TENM3: variants seen among roughly 807,000 people sequenced by gnomAD.
TENM3 encodes teneurin transmembrane protein 3.
TENM3 carries 63 observed loss-of-function variants against 255.1 expected under a neutral mutation model. The observed-to-expected ratio is 0.25, with a 90% CI of 0.20 to 0.30. TENM3 has a LOEUF of 0.30. Among genes scored for constraint, TENM3 ranks in the 10% least tolerant of loss-of-function variants. TENM3 has a pLI of 1.00. For missense variants in TENM3, 2,929 were observed against 3,461.1 expected (o/e 0.85, Z 3.86); for synonymous variants, 1,306 against 1,322.3 (o/e 0.99, Z 0.27).
At chr4:182,261,364 T>A (rs1487292042) in intron 1 of TENM3, among the ~76,000 whole-genome samples, 1 of 152,180 alleles carries the variant, frequency 6.6e-6, no homozygotes, top group East Asian at 1.9e-4. Flanking sequence ...CTTCAGAGAG[T>A]TCACCTTGGG....
At chr4:182,667,314 C>A (rs1326987261) in intron 6 of TENM3, among the ~76,000 whole-genome samples, 1 of 152,068 alleles carries the variant, frequency 6.6e-6, no homozygotes, top group Non-Finnish European at 1.5e-5. Flanking sequence ...CCTCAGCCTC[C>A]CAAGTAGCTG....
intron 3 of TENM3, among the ~76,000 whole-genome samples, chr4:182,428,720 C>T (rs113820247): frequency 4.6e-5 from 7 of 151,798 alleles, no homozygotes; most frequent in Non-Finnish European, 8.8e-5. Flanking sequence ...AAAAATATTT[C>T]GTAAAATATA....
chr4:182,701,471 C>A (rs556840799), intron 12 of TENM3, among the ~76,000 whole-genome samples: 3 of 151,950 alleles, frequency 2.0e-5, no homozygotes, highest in Admixed American at 2.0e-4. Context: ...CCGCCCACCT[C>A]GGCCTCCCAA....
chr4:182,334,537 T>A (rs907261076), intron 2 of TENM3, among the ~76,000 whole-genome samples: 1 of 152,098 alleles, frequency 6.6e-6, no homozygotes, highest in Non-Finnish European at 1.5e-5. Flanking sequence ...CAAAATGGAG[T>A]TAATATGTAT....
chr4:181,723,061 G>A, the TENM3 span, among the ~76,000 whole-genome samples: 1 of 152,062 alleles, frequency 6.6e-6, no homozygotes, highest in Non-Finnish European at 1.5e-5. Context: ...GATAAAATGT[G>A]TGTTCTACTA....
In TENM3 at chr4:182,336,941, C is replaced by T. The variant is rs550009749; in HGVS notation, c.233-9710C>T. On this transcript the variant is annotated intron_variant, in intron 2 of 27. Transcript: ENST00000511685. Reference sequence around the variant, plus strand: ...GGAGATCTTTGAGAGCCTCTGAGTCCACTGTATACATGAGGAATATGAGAC... The same window carrying T: ...GGAGATCTTTGAGAGCCTCTGAGTCTACTGTATACATGAGGAATATGAGAC... 9.9e-5 allele frequency among the ~76,000 whole-genome samples: 15 copies of T among 151,276 alleles called. No homozygotes were observed. The East Asian group carries it at 2.7e-3, about 28-fold the overall frequency.
the TENM3 span, among the ~76,000 whole-genome samples, chr4:181,451,406 G>T: frequency 6.6e-6 from 1 of 152,174 alleles, no homozygotes; most frequent in Non-Finnish European, 1.5e-5. Flanking sequence ...TCCTCCAAGT[G>T]CAGTGAGAAA....
chr4:181,775,141 C>T, the TENM3 span, among the ~76,000 whole-genome samples: 2 of 152,148 alleles, frequency 1.3e-5, no homozygotes, highest in African/African-American at 4.8e-5. Flanking sequence ...GGGCAGAGTC[C>T]TGACTCCCCC....
intron 4 of TENM3, among the ~76,000 whole-genome samples, chr4:182,614,874 CGTT>C (rs1749327739): frequency 6.6e-6 from 1 of 151,612 alleles, no homozygotes; most frequent in African/African-American, 2.4e-5. Flanking sequence ...AGTTTCTTCA[CGTT>C]GTTTCATAGA....
the TENM3 span, among the ~76,000 whole-genome samples, chr4:182,129,021 C>T: frequency 6.6e-6 from 1 of 152,092 alleles, no homozygotes. Flanking sequence ...GAAGAAAATG[C>T]CTTAATTTGA....
chr4:182,593,732 C>T lies in TENM3; in HGVS notation c.512-7192C>T, dbSNP rs570914120. The stretch of plus-strand genomic sequence containing the variant: ...CCACTCTCCTCCTTTCCTCTCATCT[C>T]ACACTCACCTTTTACTTCCTCCCAC... On this transcript the variant is annotated intron_variant, in intron 3 of 27. Transcript: ENST00000511685. Among the ~76,000 whole-genome samples, 4 of 152,324 alleles carry T rather than the reference C, an allele frequency of 2.6e-5. No individual in the cohort carries two copies. In the South Asian group the frequency reaches 8.3e-4, roughly 32 times the overall value.
At chr4:181,624,093 T>C in the TENM3 span, among the ~76,000 whole-genome samples, 2 of 152,186 alleles carry the variant, frequency 1.3e-5, no homozygotes, top group East Asian at 3.9e-4. Context: ...ATCTGTCACA[T>C]AACCAGCCTA....
the TENM3 span, among the ~76,000 whole-genome samples, chr4:181,467,859 A>G: frequency 1.3e-5 from 2 of 152,188 alleles, no homozygotes; most frequent in Non-Finnish European, 2.9e-5. Flanking sequence ...AAAGACGCAG[A>G]TATTTTCATT....
intron 3 of TENM3, among the ~76,000 whole-genome samples, chr4:182,434,670 A>G (rs1351199566): frequency 6.6e-6 from 1 of 151,960 alleles, no homozygotes; most frequent in Non-Finnish European, 1.5e-5. Context: ...GTATATTGGT[A>G]TACTTTATTT....
At chr4:181,927,552 C>A in the TENM3 span, among the ~76,000 whole-genome samples, 1 of 152,214 alleles carries the variant, frequency 6.6e-6, no homozygotes. Flanking sequence ...ACCCCCATCT[C>A]CCTGGGACAG....
At chr4:182,264,724 G>A (rs532018710) in intron 1 of TENM3, among the ~76,000 whole-genome samples, 75 of 152,244 alleles carry the variant, frequency 4.9e-4, no homozygotes, top group Admixed American at 8.5e-4. Flanking sequence ...CATCTTGGAG[G>A]TTACCTTTGG....
intron 1 of TENM3, among the ~76,000 whole-genome samples, chr4:182,295,808 A>T (rs1761450242): frequency 6.6e-6 from 1 of 152,186 alleles, no homozygotes; most frequent in African/African-American, 2.4e-5. Flanking sequence ...CATCTGGATA[A>T]CGCATTCACA....
At chr4:181,505,679 C>A in the TENM3 span, among the ~76,000 whole-genome samples, 2 of 152,052 alleles carry the variant, frequency 1.3e-5, no homozygotes, top group African/African-American at 4.8e-5. Flanking sequence ...ACTAAAAGAA[C>A]CAGAGGACCA....
the TENM3 span, among the ~76,000 whole-genome samples, chr4:181,864,527 A>G: frequency 1.3e-5 from 2 of 152,210 alleles, no homozygotes; most frequent in Non-Finnish European, 2.9e-5. Context: ...GATCTACCTT[A>G]CTATACAAAA....
Sources: gnomAD v4.1 joint callset for allele counts (sites outside exome capture counted in the v4.1 genomes callset) on GRCh38, gnomAD v4.1.1 for gene constraint, MANE v1.5 for transcripts, NCBI Gene and HGNC (gene_info 2026-07-23, HGNC 2026-07-21) for gene names.